The following PTPRR variants were observed in gnomAD, a reference collection of about 807,000 sequenced individuals.
The protein encoded by PTPRR is protein tyrosine phosphatase receptor type R.
A neutral mutation model predicts 77.2 loss-of-function variants in PTPRR; 38 were observed. That is an observed-to-expected ratio of 0.49 (90% confidence interval 0.38 to 0.65). The LOEUF is 0.65. PTPRR is among the 30% of genes least tolerant of loss of function. The pLI is 0.00. For synonymous variants in PTPRR, 299 were observed against 283.1 expected (o/e 1.06, Z -0.57); for missense variants, 744 against 799.2 (o/e 0.93, Z 0.83).
chr12:70,717,618 C>T (rs936771444), intron 6 of PTPRR, among the ~76,000 whole-genome samples: 2 of 152,178 alleles, frequency 1.3e-5, no homozygotes, highest in African/African-American at 4.8e-5. Flanking sequence ...ACATGCAGCA[C>T]ATCCTGACAA....
At chr12:70,733,273 T>C (rs1161643612) in intron 6 of PTPRR, among the ~76,000 whole-genome samples, 1 of 151,810 alleles carries the variant, frequency 6.6e-6, no homozygotes, top group Non-Finnish European at 1.5e-5. Context: ...AAGTATATCA[T>C]ATTTAAAAGT....
intron 2 of PTPRR, among the ~76,000 whole-genome samples, chr12:70,855,584 C>T (rs1160548535): frequency 1.3e-5 from 2 of 152,134 alleles, no homozygotes; most frequent in Non-Finnish European, 2.9e-5. Flanking sequence ...ATTCCAGCTC[C>T]AGGATCACCA....
intron 2 of PTPRR, among the ~76,000 whole-genome samples, chr12:70,833,655 G>A (rs1892253834): frequency 6.6e-6 from 1 of 152,142 alleles, no homozygotes; most frequent in Non-Finnish European, 1.5e-5. Flanking sequence ...CAATTGGTGG[G>A]TACAAACAAT....
Position 70,699,938 on chromosome 12 carries a change from T to C in PTPRR, c.1194+1199A>G, listed in dbSNP as rs142384911. Among the ~76,000 whole-genome samples, 534 of 152,288 alleles carry C rather than the reference T, an allele frequency of 3.5e-3. 3 individuals carry two copies. The highest frequency in any genetic ancestry group is 0.012 in the African/African-American group (485 of 41,560). On this transcript the variant is annotated intron_variant, in intron 7 of 13. Transcript: ENST00000283228. ...CTGTGTACTCCTTCTGGCCTTCAAT[T>C]TCCTTTCAGGAAAGTGGGCTATGGT...
intron 5 of PTPRR, among the ~76,000 whole-genome samples, chr12:70,752,549 T>C (rs953302985): frequency 3.3e-5 from 5 of 152,188 alleles, no homozygotes; most frequent in Non-Finnish European, 7.4e-5. Flanking sequence ...ACATTCTATA[T>C]GTTAATAGCA....
chr12:70,707,060 G>A (rs1269658571), intron 6 of PTPRR, among the ~76,000 whole-genome samples: 1 of 152,120 alleles, frequency 6.6e-6, no homozygotes, highest in African/African-American at 2.4e-5. Context: ...GGGAGGTAAA[G>A]TTGAGAAAAT....
At chr12:70,662,100 A>T (rs1886819163) in intron 11 of PTPRR, among the ~76,000 whole-genome samples, 1 of 152,104 alleles carries the variant, frequency 6.6e-6, no homozygotes, top group East Asian at 1.9e-4. Context: ...GCCACCCACA[A>T]ATGCAGATTT....
intron 2 of PTPRR, among the ~76,000 whole-genome samples, chr12:70,772,364 A>G (rs1592748638): frequency 6.6e-6 from 1 of 152,188 alleles, no homozygotes; most frequent in Non-Finnish European, 1.5e-5. Flanking sequence ...AACTTCCCTC[A>G]GCTTGCTTTA....
At chr12:70,764,856 T>A in intron 2 of PTPRR, 78 bp from the exon 3 acceptor site, 5 of 1,074,242 alleles carry the variant, frequency 4.7e-6, no homozygotes, top group Non-Finnish European at 7.0e-6. Flanking sequence ...CAAATAAGTA[T>A]TAATAAGTTC....
rs896060905 is a variant in PTPRR, at chr12:70,749,533, A to T, written c.739-3447T>A. On this transcript the variant is annotated intron_variant, in intron 5 of 13. Transcript: ENST00000283228. Reference sequence around the variant, plus strand: ...AAAAAATTGAAAATTAATTTGAGATATATGCCTACCTAACCAATCATTCCA... The same window carrying T: ...AAAAAATTGAAAATTAATTTGAGATTTATGCCTACCTAACCAATCATTCCA... Among the ~76,000 whole-genome samples, 8 of 152,340 alleles carry T rather than the reference A, an allele frequency of 5.3e-5. 1 individual carries two copies. In the South Asian group the frequency reaches 1.4e-3, roughly 28 times the overall value.
chr12:70,689,182 G>A (rs913644317), intron 8 of PTPRR, among the ~76,000 whole-genome samples: 1 of 151,922 alleles, frequency 6.6e-6, no homozygotes, highest in African/African-American at 2.4e-5. Flanking sequence ...GATTTTAAAT[G>A]TTCTCACCAC....
chr12:70,771,913 T>G (rs531960880), intron 2 of PTPRR, among the ~76,000 whole-genome samples: 182 of 152,282 alleles, frequency 1.2e-3, no homozygotes, highest in African/African-American at 4.0e-3. Context: ...TGGTCTAAGA[T>G]AAACAATTCT....
chr12:70,836,265 T>C (rs185303373), intron 2 of PTPRR, among the ~76,000 whole-genome samples: 2 of 151,840 alleles, frequency 1.3e-5, no homozygotes, highest in African/African-American at 4.8e-5. Flanking sequence ...TCTCTGCTTA[T>C]GAACTGGGAA....
intron 1 of PTPRR, among the ~76,000 whole-genome samples, chr12:70,916,086 A>G (rs567034150): frequency 6.6e-6 from 1 of 152,248 alleles, no homozygotes; most frequent in Non-Finnish European, 1.5e-5. Flanking sequence ...TTGGGTGGTG[A>G]AGACCTCTGG....
chr12:70,682,189 G>A (rs901672136), intron 10 of PTPRR, among the ~76,000 whole-genome samples: 7 of 150,752 alleles, frequency 4.6e-5, no homozygotes, highest in East Asian at 3.9e-4. Flanking sequence ...GACTACAGGC[G>A]CCCGCCACCA....
At chr12:70,771,068 C>T (rs750267262) in intron 2 of PTPRR, among the ~76,000 whole-genome samples, 33 of 150,968 alleles carry the variant, frequency 2.2e-4, no homozygotes, top group Admixed American at 4.0e-4. Context: ...GACGAGTCAA[C>T]GGGTGCAGCA....
At chr12:70,856,511 T>C (rs1274960682) in intron 2 of PTPRR, among the ~76,000 whole-genome samples, 1 of 152,094 alleles carries the variant, frequency 6.6e-6, no homozygotes, top group Admixed American at 6.6e-5. Flanking sequence ...GGGTAAGATG[T>C]TGAAGGCTCT....
rs190552305 is a variant in PTPRR, at chr12:70,802,128, G to A, written c.358-37350C>T. On this transcript the variant is annotated intron_variant, in intron 2 of 13. Coordinates refer to ENST00000283228, the MANE Select transcript of PTPRR (RefSeq NM_002849.4). ...TCTACTTTAGCTCCTTTTCCTGATA[G>A]CAAAGAAAAAATGTTAGATCATATG... Among the ~76,000 whole-genome samples, 39 of 151,842 alleles carry A rather than the reference G, an allele frequency of 2.6e-4. No individual in the cohort carries two copies. In the East Asian group the frequency reaches 4.5e-3, roughly 17 times the overall value.
chr12:70,639,021 C>A lies in PTPRR; in HGVS notation c.*163G>T. On this transcript the variant is annotated 3_prime_UTR_variant, in exon 14 of 14. Transcript: ENST00000283228. ...CAAATGCATTCATATACACAAGGAG[C>A]TGGAAATCTTAAATATGTTGCCCAG... 1.5e-6 allele frequency: 1 copy of A among 646,952 alleles called. No individual in the cohort carries two copies. Among genetic ancestry groups the A allele is most frequent in the African/African-American group, 1.8e-5 (1 of 55,182 alleles). The allele number at this position is 646,952 out of a possible 1,614,324, so 40.1% of individuals were successfully genotyped here. A position where few individuals can be genotyped will look rare whatever the true frequency, so the allele number is the denominator to read the frequency against.
Sources: gnomAD v4.1 joint callset for allele counts (sites outside exome capture counted in the v4.1 genomes callset) on GRCh38, gnomAD v4.1.1 for gene constraint, MANE v1.5 for transcripts, NCBI Gene and HGNC (gene_info 2026-07-23, HGNC 2026-07-21) for gene names.